HYDIN: variants seen among roughly 807,000 people sequenced by gnomAD.
HYDIN encodes the protein HYDIN axonemal central pair apparatus protein.
A neutral mutation model predicts 403.9 loss-of-function variants in HYDIN; 132 were observed. That is an observed-to-expected ratio of 0.33 (90% confidence interval 0.28 to 0.38). HYDIN has a LOEUF of 0.38. Among genes scored for constraint, HYDIN ranks in the 10% least tolerant of loss-of-function variants. HYDIN has a pLI of 1.00. For missense variants in HYDIN, 2,827 were observed against 5,009.5 expected, an observed-to-expected ratio of 0.56 and a Z score of 13.15; for synonymous variants, 1,202 against 1,891.7, an observed-to-expected ratio of 0.64 and a Z score of 9.46.
At chr16:71,059,887 C>A (rs2082025527) in intron 18 of HYDIN, among the ~76,000 whole-genome samples, 1 of 152,006 alleles carries the variant, frequency 6.6e-6, no homozygotes, top group African/African-American at 2.4e-5. Flanking sequence ...TGAGACAAAT[C>A]CATTTCTAAA....
intron 77 of HYDIN, 55 bp downstream of exon 77, chr16:70,837,635 T>A: frequency 6.2e-7 from 1 of 1,604,570 alleles, no homozygotes; most frequent in African/African-American, 1.3e-5. Context: ...CAAAGAAGGA[T>A]GAGAAGGGTA....
At position 70,874,834 on chromosome 16, in the gene HYDIN, T is replaced by C; in HGVS notation, c.10643A>G (p.Asn3548Ser). 1.2e-6 allele frequency: 2 copies of C among 1,613,816 alleles called. No homozygotes were observed. The highest frequency in any genetic ancestry group is 1.7e-6 in the Non-Finnish European group (2 of 1,179,886). ...TTAYIYITEENKPHVKAKKAH... is the reference protein window; with the variant it reads ...TTAYIYITEESKPHVKAKKAH... ...ACACTTACCTTTTACATGTGGTTTA[T>C]TTTCCTCTGTGATGTAGATATACGC... The change falls in exon 63 of 86, where the codon AAT becomes AGT. Residue 3548 changes from asparagine (N) to serine (S), a missense_variant. Transcript: ENST00000393567.
At chr16:70,943,474 T>C (rs953114754) in intron 42 of HYDIN, among the ~76,000 whole-genome samples, 1 of 152,150 alleles carries the variant, frequency 6.6e-6, no homozygotes, top group Non-Finnish European at 1.5e-5. Context: ...TTAATAACAT[T>C]GAAAATGGGT....
intron 7 of HYDIN, among the ~76,000 whole-genome samples, chr16:71,148,683 AAATT>A (rs1316991433): frequency 6.6e-6 from 1 of 150,614 alleles, no homozygotes; most frequent in African/African-American, 2.5e-5. Flanking sequence ...GACATTAAGA[AAATT>A]AATTTCTCAC....
At chr16:70,995,461 G>A (rs1323066347) in intron 23 of HYDIN, among the ~76,000 whole-genome samples, 1 of 152,102 alleles carries the variant, frequency 6.6e-6, no homozygotes, top group Non-Finnish European at 1.5e-5. Flanking sequence ...CTGGCTTTGG[G>A]GGCAGTGGTT....
chr16:71,041,960 T>C (rs1451241935), intron 18 of HYDIN, among the ~76,000 whole-genome samples: 22 of 152,168 alleles, frequency 1.4e-4, no homozygotes, highest in Non-Finnish European at 1.5e-5. Context: ...ATGTAGACAG[T>C]GTAACATTCA....
chr16:70,907,283 T>C, intron 50 of HYDIN, 89 bp downstream of exon 50: 1 of 491,116 alleles, frequency 2.0e-6, no homozygotes, highest in Admixed American at 3.3e-5. Context: ...TAGTAAAAGC[T>C]ACATCTATGT....
chr16:71,161,342 T>C (rs1484432889), intron 6 of HYDIN, among the ~76,000 whole-genome samples: 8 of 152,234 alleles, frequency 5.3e-5, no homozygotes, highest in Non-Finnish European at 8.8e-5. Flanking sequence ...TTTGCTCTCT[T>C]GTCCACCACT....
At chr16:70,913,018 T>C (rs1195027918) in intron 47 of HYDIN, among the ~76,000 whole-genome samples, 1 of 152,092 alleles carries the variant, frequency 6.6e-6, no homozygotes, top group African/African-American at 2.4e-5. Flanking sequence ...GATTTTTCTC[T>C]CTTCTTTTCT....
intron 20 of HYDIN, among the ~76,000 whole-genome samples, chr16:71,025,994 C>G (rs1182706915): frequency 6.7e-6 from 1 of 149,970 alleles, no homozygotes; most frequent in Non-Finnish European, 1.5e-5. Context: ...TCTGCCTCCC[C>G]GGTTCAAGCG....
At position 70,943,926 on chromosome 16, in the gene HYDIN, C is replaced by CG; in HGVS notation, c.6554dup (p.Pro2187AlafsTer9). On this transcript the variant is annotated frameshift_variant, in exon 42 of 86. Coordinates refer to ENST00000393567, the MANE Select transcript of HYDIN (RefSeq NM_001270974.2). LOFTEE classifies it high-confidence loss of function. Reference sequence around the variant, plus strand: ...CACTGAGCCAGCGGTGGATGGGCCCCGGGGGGAGAGGGCTGGAGGAAATCT... The same window carrying CG: ...CACTGAGCCAGCGGTGGATGGGCCCCGGGGGGGAGAGGGCTGGAGGAAATCT... 3 of 1,611,524 alleles carry CG rather than the reference C, an allele frequency of 1.9e-6. No homozygotes were observed. Among genetic ancestry groups the CG allele is most frequent in the African/African-American group, 1.3e-5 (1 of 74,990 alleles).
At chr16:71,047,527 C>A (rs1389055736) in intron 18 of HYDIN, among the ~76,000 whole-genome samples, 1 of 152,002 alleles carries the variant, frequency 6.6e-6, no homozygotes, top group Non-Finnish European at 1.5e-5. Context: ...TTACTGGTAT[C>A]ACTGTTATCC....
In HYDIN at chr16:70,860,126, G is replaced by A. The variant is rs1597146550; in HGVS notation, c.12071C>T (p.Pro4024Leu). 1 of 1,613,058 alleles carries A rather than the reference G, an allele frequency of 6.2e-7. No individual in the cohort carries two copies. The highest frequency in any genetic ancestry group is 2.2e-5 in the East Asian group (1 of 44,868). Residue 4024 changes from proline (P) to leucine (L), a missense_variant, in exon 71 of 86, where the codon CCT (proline) becomes CTT (leucine). Coordinates refer to ENST00000393567, the MANE Select transcript of HYDIN (RefSeq NM_001270974.2). ...TTCTGTAAGGCATGTGAATGCTGCAGGGTTCTGGAGACTTTCAATTTCTTC... is the reference window on the plus strand; with the variant it reads ...TTCTGTAAGGCATGTGAATGCTGCAAGGTTCTGGAGACTTTCAATTTCTTC... ...ISEEIESLQN[P>L]AAFTCLTEKG... is the part of the protein sequence containing the mutation.
chr16:71,188,593 C>A lies in HYDIN; in HGVS notation c.-23-1675G>T, dbSNP rs114999777. Among the ~76,000 whole-genome samples, 380 of 152,102 alleles carry A rather than the reference C, an allele frequency of 2.5e-3. 1 individual carries two copies. The highest frequency in any genetic ancestry group is 8.7e-3 in the African/African-American group (359 of 41,484). On this transcript the variant is annotated intron_variant, in intron 1 of 85. Transcript: ENST00000393567. ...TGTAACAGTTATTATTATCTATGCA[C>A]CAAAATAGCACAAAAACCATCCATA...
At chr16:71,042,828 AC>A (rs892404035) in intron 18 of HYDIN, among the ~76,000 whole-genome samples, 1 of 152,040 alleles carries the variant, frequency 6.6e-6, no homozygotes, top group African/African-American at 2.4e-5. Context: ...TCCCATCTGG[AC>A]AGGCTGCCCT....
At chr16:70,916,639 G>A (rs2076848440) in intron 47 of HYDIN, among the ~76,000 whole-genome samples, 1 of 152,142 alleles carries the variant, frequency 6.6e-6, no homozygotes, top group Non-Finnish European at 1.5e-5. Context: ...CCGAGTTGGA[G>A]TTGCATCCAG....
chr16:71,035,777 T>G (rs2081065440), intron 18 of HYDIN, among the ~76,000 whole-genome samples: 1 of 152,202 alleles, frequency 6.6e-6, no homozygotes, highest in Non-Finnish European at 1.5e-5. Flanking sequence ...CATTTAGTCA[T>G]GCAAAGATCT....
At chr16:71,064,662 A>T (rs755377569) in intron 16 of HYDIN, 43 bp downstream of exon 16, 15 of 1,555,330 alleles carry the variant, frequency 9.6e-6, no homozygotes, top group Non-Finnish European at 1.2e-5. Context: ...AAGGGAACTC[A>T]ATGGAAGAAT....
intron 44 of HYDIN, among the ~76,000 whole-genome samples, chr16:70,937,669 C>CAA (rs55658404): frequency 0.022 from 1,774 of 80,818 alleles, 26 homozygotes; most frequent in Middle Eastern, 0.069. Flanking sequence ...GAGTCTGTCT[C>CAA]AAAAAAAAAA....
Sources: gnomAD v4.1 joint callset for allele counts (sites outside exome capture counted in the v4.1 genomes callset) on GRCh38, gnomAD v4.1.1 for gene constraint, MANE v1.5 for transcripts, NCBI Gene and HGNC (gene_info 2026-07-23, HGNC 2026-07-21) for gene names.